The following SCAF8 variants were observed in gnomAD, a reference collection of about 807,000 sequenced individuals.
The protein encoded by SCAF8 is SR-related and CTD-associated factor 8.
A neutral mutation model predicts 140.5 loss-of-function variants in SCAF8; 23 were observed. The ratio of observed to expected loss-of-function variants is 0.16; its 90% CI spans 0.12 to 0.23. The LOEUF (loss-of-function observed/expected upper bound fraction) is 0.23, where lower values mean the gene tolerates loss of function less well. SCAF8 is among the 10% of genes least tolerant of loss of function. SCAF8 has a pLI of 1.00. For synonymous variants in SCAF8, 575 were observed against 528.9 expected (o/e 1.09, Z -1.20); for missense variants, 1,397 against 1,555.7 (o/e 0.90, Z 1.72).
chr6:154,733,576 G>C lies in SCAF8; in HGVS notation c.-325G>C. 1 of 1,281,226 alleles carries C rather than the reference G, an allele frequency of 7.8e-7. No homozygotes were observed. Among genetic ancestry groups the C allele is most frequent in the East Asian group, 3.1e-5 (1 of 31,752 alleles). 79.4% of individuals were successfully genotyped at this position (1,281,226 alleles called of 1,614,324 possible). A position where few individuals can be genotyped will look rare whatever the true frequency, so the allele number is the denominator to read the frequency against. The stretch of plus-strand genomic sequence containing the variant: ...GTAGGGGAAGGGGCTAGAGGGAGGG[G>C]GACCGAAACGGAGCGGGGCAGAGAA... On this transcript the variant is annotated 5_prime_UTR_variant, in exon 1 of 20. Transcript: ENST00000367178.
chr6:154,774,155 T>A, intron 2 of SCAF8, 83 bp downstream of exon 2: 1 of 928,280 alleles, frequency 1.1e-6, no homozygotes. Flanking sequence ...TTTTATGGAT[T>A]ATATGTTCTT....
chr6:154,787,810 GA>G (rs765740402), intron 3 of SCAF8, 50 bp from the exon 4 acceptor site: 15 of 1,507,368 alleles, frequency 1.0e-5, no homozygotes, highest in Admixed American at 1.8e-5. Flanking sequence ...TGTCTATCAA[GA>G]ATTTTACCTT....
At chr6:154,764,551 C>A (rs1426244754) in intron 1 of SCAF8, among the ~76,000 whole-genome samples, 1 of 152,106 alleles carries the variant, frequency 6.6e-6, no homozygotes, top group Non-Finnish European at 1.5e-5. Context: ...GCACCAGTAG[C>A]CCTAGAAAAG....
intron 1 of SCAF8, among the ~76,000 whole-genome samples, chr6:154,772,947 A>G (rs1215730643): frequency 1.3e-5 from 2 of 152,066 alleles, no homozygotes; most frequent in Middle Eastern, 3.2e-3. Context: ...TTTAGTAGCG[A>G]CAGGGTTTCC....
chr6:154,796,199 G>A (rs376237469), intron 6 of SCAF8, among the ~76,000 whole-genome samples: 1 of 151,970 alleles, frequency 6.6e-6, no homozygotes. Context: ...TGTTGGTTTT[G>A]TTTCGAGATA....
chr6:154,796,007 C>A (rs1298739417), intron 6 of SCAF8, among the ~76,000 whole-genome samples: 1 of 152,036 alleles, frequency 6.6e-6, no homozygotes, highest in Non-Finnish European at 1.5e-5. Context: ...GATTTTCTTT[C>A]ATTTTCCGTT....
chr6:154,774,644 A>G lies in SCAF8; in HGVS notation c.114+572A>G, dbSNP rs547600906. 1.1e-4 allele frequency among the ~76,000 whole-genome samples: 16 copies of G among 152,278 alleles called. No individual in the cohort carries two copies. The South Asian group carries it at 3.3e-3, about 32-fold the overall frequency. Reference sequence around the variant, plus strand: ...TGATTCTATTAATATTATAGATTTGAAAATAGGCCATTAAGGAAAACAGTT... The same window carrying G: ...TGATTCTATTAATATTATAGATTTGGAAATAGGCCATTAAGGAAAACAGTT... On this transcript the variant is annotated intron_variant, in intron 2 of 19. Coordinates refer to ENST00000367178, the MANE Select transcript of SCAF8 (RefSeq NM_014892.5).
chr6:154,769,748 A>G (rs1776682863), intron 1 of SCAF8, among the ~76,000 whole-genome samples: 1 of 152,204 alleles, frequency 6.6e-6, no homozygotes, highest in African/African-American at 2.4e-5. Context: ...TTTCTGTACA[A>G]AGCTTGTTTG....
intron 1 of SCAF8, among the ~76,000 whole-genome samples, chr6:154,747,196 C>G (rs1013984808): frequency 6.6e-6 from 1 of 152,042 alleles, no homozygotes; most frequent in Non-Finnish European, 1.5e-5. Flanking sequence ...TTTGTATATT[C>G]TTCGTCTTTT....
rs749924911 is a variant in SCAF8, at chr6:154,831,062, A to G, written c.2281A>G (p.Thr761Ala). The change falls in exon 19 of 20, where the codon ACT (threonine) becomes GCT (alanine). Residue 761 changes from threonine (T) to alanine (A), a missense_variant. Coordinates refer to ENST00000367178, the MANE Select transcript of SCAF8 (RefSeq NM_014892.5). ...LPAGNVFNAP[T>A]KQAEPEEKVP... ...AGCTGGAAATGTTTTTAATGCTCCA[A>G]CTAAACAGGCAGAGCCTGAAGAAAA... 16 of 1,613,910 alleles carry G rather than the reference A, an allele frequency of 9.9e-6. No individual in the cohort carries two copies. Among genetic ancestry groups the G allele is most frequent in the African/African-American group, 2.7e-5 (2 of 74,908 alleles).
At chr6:154,815,565 A>C (rs1011287864) in intron 12 of SCAF8, 151 bp from the exon 13 acceptor site, 4 of 353,324 alleles carry the variant, frequency 1.1e-5, no homozygotes, top group Non-Finnish European at 2.1e-5. Flanking sequence ...GTTTTTAAAC[A>C]TAACAGATGC....
intron 12 of SCAF8, among the ~76,000 whole-genome samples, chr6:154,815,070 G>A (rs1477524226): frequency 6.6e-6 from 1 of 152,188 alleles, no homozygotes; most frequent in East Asian, 1.9e-4. Flanking sequence ...GGCCGAGGCG[G>A]ACAGATCATG....
chr6:154,818,509 T>G lies in SCAF8; in HGVS notation c.1552T>G (p.Cys518Gly). 1.2e-6 allele frequency: 2 copies of G among 1,610,102 alleles called. No homozygotes were observed. Among genetic ancestry groups the G allele is most frequent in the African/African-American group, 1.3e-5 (1 of 74,820 alleles). The change falls in exon 14 of 20, where the codon TGC becomes GGC. Residue 518 changes from cysteine to glycine, a missense_variant. Cys to Gly is a radical substitution (Grantham distance 159). This residue lies in a region of SCAF8 where 59 missense variants were observed against 110.7 expected (regional missense o/e 0.53). Coordinates refer to ENST00000367178, the MANE Select transcript of SCAF8 (RefSeq NM_014892.5). ...TCCTCCCCGGGGCTGTGCTTATGTC[T>G]GCATGGTTCATCGACAAGATGCATT... The part of the protein sequence containing the change: ...MIPPRGCAYV[C>G]MVHRQDAFRA...
At chr6:154,803,786 AT>A (rs1777837997) in intron 8 of SCAF8, among the ~76,000 whole-genome samples, 163 bp downstream of exon 8, 5 of 152,134 alleles carry the variant, frequency 3.3e-5, no homozygotes. Flanking sequence ...TCTTTGTATT[AT>A]TTTGAGTCTT....
chr6:154,829,354 C>T (rs1778662162), intron 18 of SCAF8, among the ~76,000 whole-genome samples: 1 of 151,460 alleles, frequency 6.6e-6, no homozygotes, highest in Non-Finnish European at 1.5e-5. Flanking sequence ...TAAATATAGA[C>T]ATTTATTCAT....
At chr6:154,735,518 T>TC (rs1778392041) in intron 1 of SCAF8, among the ~76,000 whole-genome samples, 1 of 105,008 alleles carries the variant, frequency 9.5e-6, no homozygotes, top group Admixed American at 9.7e-5. Flanking sequence ...TTGGGAATCT[T>TC]CTTTTTTTTT....
intron 8 of SCAF8, among the ~76,000 whole-genome samples, chr6:154,804,067 G>T (rs1415606686): frequency 1.3e-5 from 2 of 151,842 alleles, no homozygotes; most frequent in African/African-American, 4.8e-5. Context: ...TGTGTTGTAT[G>T]TTTTTATTAA....
At position 154,832,894 on chromosome 6, in the gene SCAF8, G is replaced by T. The variant is rs1778794072; in HGVS notation, c.3315G>T (p.Arg1105=). 1.9e-6 allele frequency: 3 copies of T among 1,614,058 alleles called. No individual in the cohort carries two copies. The highest frequency in any genetic ancestry group is 2.5e-6 in the Non-Finnish European group (3 of 1,179,994). The change falls in exon 20 of 20, where the codon CGG becomes CGT. Residue 1105 remains arginine, a synonymous_variant. Coordinates refer to ENST00000367178, the MANE Select transcript of SCAF8 (RefSeq NM_014892.5). The stretch of plus-strand genomic sequence containing the variant: ...GAGATTTTGATGAGAGAGAGCATCG[G>T]GTTCTACCGGTCTATGGTGGTCCAA... ...HRGDFDEREH[R]VLPVYGGPKG...
intron 5 of SCAF8, 119 bp downstream of exon 5, chr6:154,793,095 A>G: frequency 3.4e-6 from 2 of 590,264 alleles, no homozygotes; most frequent in South Asian, 5.3e-5. Context: ...ACATAATTGA[A>G]AGAAAATATT....
Sources: allele counts gnomAD v4.1 joint callset (sites outside exome capture counted in the v4.1 genomes callset), GRCh38; gene constraint gnomAD v4.1.1; regional missense constraint gnomAD v4.1.1; transcripts MANE v1.5; gene names NCBI Gene and HGNC (gene_info 2026-07-23, HGNC 2026-07-21).